The following PPHLN1 variants were observed in gnomAD, a reference collection of about 807,000 sequenced individuals.
PPHLN1 encodes the protein periphilin-1.
Under a neutral mutation model 51.3 loss-of-function variants are expected in PPHLN1, and 29 were observed. That is an observed-to-expected ratio of 0.57 (90% CI 0.42 to 0.77). The LOEUF is 0.77. Ranked by LOEUF, PPHLN1 falls within the 30% of genes least tolerant of loss-of-function variation. PPHLN1 has a pLI of 0.00. For synonymous variants in PPHLN1, 147 were observed against 147.8 expected, an observed-to-expected ratio of 0.99 and a Z score of 0.04; for missense variants, 436 against 438.4, an observed-to-expected ratio of 0.99 and a Z score of 0.05.
intron 6 of PPHLN1, among the ~76,000 whole-genome samples, chr12:42,386,312 C>CAA (rs1458749776): frequency 6.6e-6 from 1 of 152,176 alleles, no homozygotes; most frequent in Non-Finnish European, 1.5e-5. Flanking sequence ...AGGGGAGGTG[C>CAA]AAAATTGTCC....
At chr12:42,424,051 A>G (rs73124495) in intron 9 of PPHLN1, among the ~76,000 whole-genome samples, 10,595 of 152,196 alleles carry the variant, frequency 0.07, 400 homozygotes, top group Admixed American at 0.093. Context: ...GGGTTTTGCA[A>G]TTACATTGAT....
At chr12:42,337,747 G>A (rs1237502125) in intron 2 of PPHLN1, among the ~76,000 whole-genome samples, 1 of 116,750 alleles carries the variant, frequency 8.6e-6, no homozygotes, top group Non-Finnish European at 1.8e-5. Flanking sequence ...ACCATACCTG[G>A]CTATTTTTAT....
chr12:42,366,792 A>G (rs1030415892), intron 4 of PPHLN1, among the ~76,000 whole-genome samples: 5 of 152,172 alleles, frequency 3.3e-5, no homozygotes, highest in Admixed American at 6.5e-5. Context: ...AATATGCAAC[A>G]CTTGGGTTTG....
intron 2 of PPHLN1, among the ~76,000 whole-genome samples, chr12:42,349,019 T>C (rs1374816853): frequency 6.6e-6 from 1 of 152,214 alleles, no homozygotes; most frequent in Admixed American, 6.5e-5. Context: ...TCTTTTAAGC[T>C]CTCAAATAAA....
chr12:42,406,166 C>T (rs2079283957), intron 9 of PPHLN1, among the ~76,000 whole-genome samples: 1 of 149,140 alleles, frequency 6.7e-6, no homozygotes, highest in Admixed American at 6.8e-5. Context: ...TCACTGCAAA[C>T]TCCACCTTCC....
At chr12:42,336,601 C>A (rs1051066365) in intron 2 of PPHLN1, among the ~76,000 whole-genome samples, 1 of 152,156 alleles carries the variant, frequency 6.6e-6, no homozygotes, top group South Asian at 2.1e-4. Flanking sequence ...CTTTTCTAAG[C>A]CCAAAGAACT....
chr12:42,351,840 TAGAGA>T, intron 2 of PPHLN1, 40 bp from the exon 3 acceptor site: 1 of 1,489,598 alleles, frequency 6.7e-7, no homozygotes, highest in Non-Finnish European at 8.9e-7. Context: ...CAAAACCAAA[TAGAGA>T]AATTAGTCAT....
chr12:42,372,712 A>AT (rs2075916054), intron 4 of PPHLN1, among the ~76,000 whole-genome samples: 1 of 152,042 alleles, frequency 6.6e-6, no homozygotes, highest in Non-Finnish European at 1.5e-5. Flanking sequence ...TTACAGACAA[A>AT]TTTATATTGA....
In PPHLN1 at chr12:42,358,851, C is replaced by T. The variant is rs567797292; in HGVS notation, c.299+3629C>T. Among the ~76,000 whole-genome samples, 20 of 151,886 alleles carry T rather than the reference C, an allele frequency of 1.3e-4. No individual in the cohort carries two copies. The South Asian group carries it at 2.7e-3, about 21-fold the overall frequency. ...TCATGAAATAGTACTTTAGTTTTTA[C>T]GAGATAGGTTACTAGAAGCAGAATT... On this transcript the variant is annotated intron_variant, in intron 4 of 9. Coordinates refer to ENST00000358314, the MANE Select transcript of PPHLN1 (RefSeq NM_201439.2).
At chr12:42,335,514 T>A (rs2070466789) in intron 1 of PPHLN1, among the ~76,000 whole-genome samples, 2 of 152,164 alleles carry the variant, frequency 1.3e-5, no homozygotes, top group South Asian at 4.1e-4. Context: ...ACTTTGCCGA[T>A]CAGCCATTTA....
At chr12:42,425,042 G>GTATGTATATATA (rs140444172) in intron 9 of PPHLN1, among the ~76,000 whole-genome samples, 1 of 143,818 alleles carries the variant, frequency 7.0e-6, no homozygotes, top group East Asian at 2.4e-4. Context: ...TTTATTTTAT[G>GTATGTATATATA]TATGTATGTA....
intron 2 of PPHLN1, among the ~76,000 whole-genome samples, chr12:42,348,870 G>T (rs957109000): frequency 3.3e-5 from 5 of 151,846 alleles, no homozygotes; most frequent in Non-Finnish European, 5.9e-5. Context: ...CTCTGTGAAA[G>T]GTAGTTTGTA....
At chr12:42,434,827 G>A (rs2082342322) in intron 9 of PPHLN1, among the ~76,000 whole-genome samples, 1 of 152,164 alleles carries the variant, frequency 6.6e-6, no homozygotes, top group Non-Finnish European at 1.5e-5. Context: ...CCCAGTAGCT[G>A]GGACTACAGG....
chr12:42,360,458 C>CTTTTTTTTTT lies in PPHLN1; in HGVS notation c.299+5256_299+5265dup, dbSNP rs71084642. Among the ~76,000 whole-genome samples, 17 of 56,292 alleles carry CTTTTTTTTTT rather than the reference C, an allele frequency of 3.0e-4. 3 individuals carry two copies. The highest frequency in any genetic ancestry group is 1.3e-3 in the East Asian group (2 of 1,504). The allele number at this position is 56,292 out of a possible 152,430, so 36.9% of individuals were successfully genotyped here. On this transcript the variant is annotated intron_variant, in intron 4 of 9. Coordinates refer to ENST00000358314, the MANE Select transcript of PPHLN1 (RefSeq NM_201439.2). ...ACAGTTCCTGAAGTGATGCTGAATTCTTTTTTTTTTTTTTTTTTTTTTTTT... is the reference window on the plus strand; with the variant it reads ...ACAGTTCCTGAAGTGATGCTGAATTCTTTTTTTTTTTTTTTTTTTTTTTTTTTTTTTTTTT...
intron 9 of PPHLN1, among the ~76,000 whole-genome samples, chr12:42,406,417 A>G (rs968191904): frequency 2.0e-5 from 3 of 152,030 alleles, no homozygotes; most frequent in African/African-American, 7.3e-5. Flanking sequence ...ATCATATGGA[A>G]TATAGTATTT....
intron 9 of PPHLN1, chr12:42,399,723 T>C (rs1176917890): frequency 1.3e-5 from 2 of 152,364 alleles, no homozygotes; most frequent in Non-Finnish European, 2.9e-5. Context: ...GGATAGGGAA[T>C]GGTCTCAAAT....
At chr12:42,440,035 C>A (rs1279984197) in intron 9 of PPHLN1, among the ~76,000 whole-genome samples, 2 of 151,124 alleles carry the variant, frequency 1.3e-5, no homozygotes, top group Non-Finnish European at 2.9e-5. Context: ...AGTATTGACT[C>A]TTCCTGTCAA....
chr12:42,423,395 T>A (rs182020174), intron 9 of PPHLN1, among the ~76,000 whole-genome samples: 12 of 152,314 alleles, frequency 7.9e-5, no homozygotes, highest in East Asian at 1.9e-4. Flanking sequence ...TTCCTATTTT[T>A]AAAATGAAAC....
At chr12:42,442,416 TC>T (rs1211941447), downstream of PPHLN1, among the ~76,000 whole-genome samples, 1 of 152,194 alleles carries the variant, frequency 6.6e-6, no homozygotes, top group African/African-American at 2.4e-5. Context: ...CAACCCTTGA[TC>T]AGTGCAAGAC....
Sources: allele counts gnomAD v4.1 joint callset (sites outside exome capture counted in the v4.1 genomes callset), GRCh38; gene constraint gnomAD v4.1.1; transcripts MANE v1.5; gene names NCBI Gene and HGNC (gene_info 2026-07-23, HGNC 2026-07-21).